CNTN4: variants seen among roughly 807,000 people sequenced by gnomAD.
CNTN4 encodes the protein contactin 4, also known as contactin-4.
In CNTN4, 77 loss-of-function variants were observed where a neutral mutation model predicts 122.5. The observed-to-expected ratio is 0.63, with a 90% CI of 0.52 to 0.76. CNTN4 has a LOEUF of 0.76. CNTN4 is among the 30% of genes least tolerant of loss of function. CNTN4 has a pLI of 0.00. For missense variants in CNTN4, 1,256 were observed against 1,259.1 expected (o/e 1.00, Z 0.04); for synonymous variants, 512 against 447.0 (o/e 1.15, Z -1.83).
At chr3:2,260,210 T>G (rs996247523) in intron 2 of CNTN4, among the ~76,000 whole-genome samples, 3 of 152,048 alleles carry the variant, frequency 2.0e-5, no homozygotes, top group African/African-American at 4.8e-5. Flanking sequence ...TCCAGCCCAT[T>G]GATATTTTGG....
intron 2 of CNTN4, among the ~76,000 whole-genome samples, chr3:2,138,129 C>T (rs977652815): frequency 1.9e-4 from 28 of 150,952 alleles, no homozygotes; most frequent in African/African-American, 4.6e-4. Flanking sequence ...TGCAGTGGCA[C>T]GATCTCAGCT....
intron 4 of CNTN4, among the ~76,000 whole-genome samples, chr3:2,634,684 A>T (rs1218631895): frequency 1.5e-5 from 2 of 135,582 alleles, no homozygotes; most frequent in East Asian, 4.1e-4. Flanking sequence ...CAGAAAAAAA[A>T]AAAATATATA....
intron 2 of CNTN4, among the ~76,000 whole-genome samples, chr3:2,124,595 TCAA>T (rs2034023599): frequency 6.6e-6 from 1 of 151,634 alleles, no homozygotes; most frequent in South Asian, 2.1e-4. Flanking sequence ...GCTCCTTGTC[TCAA>T]CAACAACAAT....
At chr3:2,796,863 T>G (rs1266667305) in intron 6 of CNTN4, among the ~76,000 whole-genome samples, 1 of 152,194 alleles carries the variant, frequency 6.6e-6, no homozygotes, top group African/African-American at 2.4e-5. Context: ...TCCTTAAGAG[T>G]TAACTTTCCA....
At chr3:2,116,995 A>T (rs1223543885) in intron 2 of CNTN4, among the ~76,000 whole-genome samples, 1 of 152,134 alleles carries the variant, frequency 6.6e-6, no homozygotes, top group Non-Finnish European at 1.5e-5. Flanking sequence ...TCAAGCAAGC[A>T]ATCAGTTTTC....
At chr3:3,045,708 A>T (rs1218942141) in intron 23 of CNTN4, among the ~76,000 whole-genome samples, 2 of 152,236 alleles carry the variant, frequency 1.3e-5, no homozygotes, top group African/African-American at 4.8e-5. Context: ...TGAAAATTCT[A>T]AAAATCAGAG....
At chr3:2,913,447 C>T (rs2094322567) in intron 12 of CNTN4, among the ~76,000 whole-genome samples, 1 of 151,996 alleles carries the variant, frequency 6.6e-6, no homozygotes, top group Admixed American at 6.6e-5. Flanking sequence ...TACACGCAAG[C>T]TGAAAATGAA....
At chr3:2,759,668 G>A (rs2090497673) in intron 6 of CNTN4, among the ~76,000 whole-genome samples, 1 of 150,398 alleles carries the variant, frequency 6.6e-6, no homozygotes, top group South Asian at 2.1e-4. Context: ...TGGAGTTACT[G>A]TATGTTTAAC....
At chr3:2,541,525 C>T (rs1575916144) in intron 3 of CNTN4, among the ~76,000 whole-genome samples, 1 of 152,012 alleles carries the variant, frequency 6.6e-6, no homozygotes, top group Non-Finnish European at 1.5e-5. Flanking sequence ...AAAGTGGGTA[C>T]AATAGAAGGT....
intron 4 of CNTN4, among the ~76,000 whole-genome samples, chr3:2,694,385 C>G (rs1004919902): frequency 6.6e-6 from 1 of 152,206 alleles, no homozygotes; most frequent in African/African-American, 2.4e-5. Flanking sequence ...TAGAGTTTCT[C>G]TAAAGCAGAG....
At chr3:2,791,167 G>A (rs190161977) in intron 6 of CNTN4, among the ~76,000 whole-genome samples, 3 of 152,162 alleles carry the variant, frequency 2.0e-5, no homozygotes, top group East Asian at 1.9e-4. Context: ...CAAGATTACT[G>A]TAAGGAATTA....
chr3:2,371,034 A>G (rs1054044323), intron 3 of CNTN4, among the ~76,000 whole-genome samples: 1 of 152,198 alleles, frequency 6.6e-6, no homozygotes, highest in Non-Finnish European at 1.5e-5. Context: ...TACAATGTGA[A>G]GGTCTTTACT....
chr3:2,626,068 C>T (rs1179516659), intron 4 of CNTN4, among the ~76,000 whole-genome samples: 1 of 152,138 alleles, frequency 6.6e-6, no homozygotes, highest in African/African-American at 2.4e-5. Context: ...TCTGTGTATT[C>T]TGGGCACTAT....
At chr3:3,006,818 G>A (rs1013204535) in intron 14 of CNTN4, among the ~76,000 whole-genome samples, 3 of 152,122 alleles carry the variant, frequency 2.0e-5, no homozygotes, top group Non-Finnish European at 1.5e-5. Flanking sequence ...CCTTAAAATG[G>A]GAGGTCCAAC....
chr3:2,851,476 G>A (rs2093549575), intron 7 of CNTN4, among the ~76,000 whole-genome samples: 1 of 152,162 alleles, frequency 6.6e-6, no homozygotes, highest in Non-Finnish European at 1.5e-5. Context: ...TGAGTCTCTG[G>A]CATTCTCAAA....
intron 7 of CNTN4, among the ~76,000 whole-genome samples, chr3:2,840,326 A>G (rs2093326457): frequency 6.6e-6 from 1 of 152,082 alleles, no homozygotes; most frequent in Admixed American, 6.6e-5. Flanking sequence ...ATGGGAGTAT[A>G]AACTCAGATC....
chr3:2,814,127 A>G (rs1385615072), intron 6 of CNTN4, among the ~76,000 whole-genome samples: 13 of 152,196 alleles, frequency 8.5e-5, no homozygotes, highest in Non-Finnish European at 4.4e-5. Context: ...CAATTGTACA[A>G]TCCTTAGCAC....
intron 4 of CNTN4, among the ~76,000 whole-genome samples, chr3:2,673,234 A>C (rs976449358): frequency 2.0e-5 from 3 of 152,194 alleles, no homozygotes; most frequent in Admixed American, 2.0e-4. Context: ...TCCCAGAAGC[A>C]GTAAAATAGG....
At chr3:2,820,147 G>C (rs2092830458) in intron 7 of CNTN4, among the ~76,000 whole-genome samples, 1 of 152,114 alleles carries the variant, frequency 6.6e-6, no homozygotes, top group South Asian at 2.1e-4. Context: ...CCACAAGGCT[G>C]CCTCCACTTC....
Sources: gnomAD v4.1 joint callset for allele counts (sites outside exome capture counted in the v4.1 genomes callset) on GRCh38, gnomAD v4.1.1 for gene constraint, MANE v1.5 for transcripts, NCBI Gene and HGNC (gene_info 2026-07-23, HGNC 2026-07-21) for gene names.